The following UBE2U variants were observed in gnomAD, a reference collection of about 807,000 sequenced individuals.
The protein encoded by UBE2U is ubiquitin conjugating enzyme E2 U.
Under a neutral mutation model 41.2 loss-of-function variants are expected in UBE2U, and 39 were observed. The ratio of observed to expected loss-of-function variants is 0.95; its 90% confidence interval spans 0.73 to 1.24. The LOEUF (loss-of-function observed/expected upper bound fraction) is 1.24. UBE2U is among the 50% of genes most tolerant of loss of function. The probability of loss-of-function intolerance (pLI) is 0.00; values close to 1 mark genes in which losing one functional copy is unlikely to be tolerated. For missense variants in UBE2U, 336 were observed against 363.1 expected (o/e 0.93, Z 0.61); for synonymous variants, 107 against 117.8 (o/e 0.91, Z 0.60).
intron 5 of UBE2U, among the ~76,000 whole-genome samples, chr1:64,215,891 G>A (rs1416578825): frequency 6.6e-6 from 1 of 152,176 alleles, no homozygotes; most frequent in Non-Finnish European, 1.5e-5. Flanking sequence ...GTTTCCCACA[G>A]CTGAGAGCTG....
At chr1:64,266,157 G>A (rs1206243264) in intron 9 of UBE2U, among the ~76,000 whole-genome samples, 1 of 152,164 alleles carries the variant, frequency 6.6e-6, no homozygotes, top group African/African-American at 2.4e-5. Context: ...CCCATGCTGT[G>A]TAGAAATATA....
intron 7 of UBE2U, among the ~76,000 whole-genome samples, chr1:64,240,195 A>G: frequency 6.6e-6 from 1 of 152,214 alleles, no homozygotes; most frequent in East Asian, 1.9e-4. Flanking sequence ...CAAGGGAGGT[A>G]GTAAGCCCAT....
chr1:64,254,228 C>A (rs931491438), intron 8 of UBE2U, among the ~76,000 whole-genome samples: 1 of 152,070 alleles, frequency 6.6e-6, no homozygotes, highest in Admixed American at 6.6e-5. Flanking sequence ...AATATATATC[C>A]ACCTAATACA....
At chr1:64,234,549 C>T (rs1033270485) in intron 7 of UBE2U, among the ~76,000 whole-genome samples, 3 of 152,102 alleles carry the variant, frequency 2.0e-5, no homozygotes, top group Non-Finnish European at 4.4e-5. Context: ...AATAAATATC[C>T]TTAAAAGGTA....
intron 4 of UBE2U, among the ~76,000 whole-genome samples, chr1:64,214,199 G>A (rs1385169637): frequency 1.3e-5 from 2 of 152,164 alleles, no homozygotes; most frequent in Non-Finnish European, 2.9e-5. Context: ...TGATGGAAAT[G>A]TCCAATATAT....
At chr1:64,223,676 G>A (rs1012020941) in intron 6 of UBE2U, among the ~76,000 whole-genome samples, 2 of 152,152 alleles carry the variant, frequency 1.3e-5, no homozygotes, top group African/African-American at 2.4e-5. Context: ...TATGACAGAC[G>A]TAAGATCAAG....
intron 6 of UBE2U, among the ~76,000 whole-genome samples, chr1:64,227,079 A>G (rs1652923219): frequency 6.6e-6 from 1 of 152,230 alleles, no homozygotes; most frequent in Non-Finnish European, 1.5e-5. Context: ...TTTAACACCC[A>G]TTCATGATAA....
intron 1 of UBE2U, 28 bp downstream of exon 1, chr1:64,204,144 GT>G (rs1164595724): frequency 6.3e-7 from 1 of 1,594,356 alleles, no homozygotes; most frequent in Non-Finnish European, 8.6e-7. Flanking sequence ...GGAGAGATGT[GT>G]TTCATTGTGC....
chr1:64,226,607 G>A (rs1652883153), intron 6 of UBE2U, among the ~76,000 whole-genome samples: 1 of 152,088 alleles, frequency 6.6e-6, no homozygotes. Context: ...CAAGGTGGAA[G>A]GATTGCTTGA....
intron 5 of UBE2U, among the ~76,000 whole-genome samples, chr1:64,216,453 G>A (rs929125044): frequency 3.9e-5 from 6 of 152,186 alleles, no homozygotes; most frequent in African/African-American, 1.2e-4. Context: ...TCAAATATTC[G>A]AAGGGATTTC....
chr1:64,244,222 G>T, intron 8 of UBE2U: 3 of 1,562,052 alleles, frequency 1.9e-6, no homozygotes, highest in Non-Finnish European at 1.7e-6. Flanking sequence ...CTCTGAACTT[G>T]TTTTTTTATC....
Position 64,206,941 on chromosome 1 carries a change from A to T in UBE2U, c.241+85A>T, listed in dbSNP as rs537794839. The T allele has an allele frequency of 2.3e-5, 19 of 842,398 alleles. No homozygotes were observed. The African/African-American group carries it at 2.8e-4, about 13-fold the overall frequency. 52.2% of individuals were successfully genotyped at this position (842,398 alleles called of 1,614,324 possible). ...ATAATAATCATGTTTCTTTTTAAGA[A>T]CTTTATTATGATTCTAAAAGTAAGA... On this transcript the variant is annotated intron_variant, in intron 3 of 9. Transcript: ENST00000371077.
intron 6 of UBE2U, among the ~76,000 whole-genome samples, chr1:64,225,270 G>A (rs191544647): frequency 2.5e-4 from 38 of 152,284 alleles, no homozygotes; most frequent in Non-Finnish European, 5.3e-4. Context: ...AATTGGGAGA[G>A]TAATGTGAAG....
intron 6 of UBE2U, among the ~76,000 whole-genome samples, chr1:64,225,222 A>G (rs1343671861): frequency 2.0e-5 from 3 of 152,232 alleles, no homozygotes; most frequent in Admixed American, 6.5e-5. Flanking sequence ...ATCTTGAAAA[A>G]TCAAGATTTG....
intron 6 of UBE2U, among the ~76,000 whole-genome samples, chr1:64,231,679 A>G (rs1240834482): frequency 6.6e-6 from 1 of 152,196 alleles, no homozygotes; most frequent in Non-Finnish European, 1.5e-5. Flanking sequence ...TCAAATACTT[A>G]ATTTAAGGTA....
chr1:64,249,419 C>A (rs929868098), intron 8 of UBE2U, among the ~76,000 whole-genome samples: 3 of 139,898 alleles, frequency 2.1e-5, no homozygotes, highest in African/African-American at 7.8e-5. Context: ...TACAAATAAG[C>A]AGAAAAATAT....
At chr1:64,214,549 G>A (rs899262339) in intron 4 of UBE2U, among the ~76,000 whole-genome samples, 12 of 152,126 alleles carry the variant, frequency 7.9e-5, no homozygotes, top group Non-Finnish European at 1.8e-4. Context: ...CAATGTAAAT[G>A]TATATGCTAG....
At chr1:64,215,395 G>A (rs1464102073) in intron 5 of UBE2U, 1 of 154,082 alleles carries the variant, frequency 6.5e-6, no homozygotes, top group Non-Finnish European at 1.4e-5. Flanking sequence ...CTCTCCTACT[G>A]TAACTCTTTG....
intron 8 of UBE2U, among the ~76,000 whole-genome samples, chr1:64,250,143 T>G (rs1427024283): frequency 6.6e-6 from 1 of 152,162 alleles, no homozygotes; most frequent in Non-Finnish European, 1.5e-5. Context: ...TGAAAGAAAT[T>G]ATTAAACATA....
Sources: gnomAD v4.1 joint callset for allele counts (sites outside exome capture counted in the v4.1 genomes callset) on GRCh38, gnomAD v4.1.1 for gene constraint, MANE v1.5 for transcripts, NCBI Gene and HGNC (gene_info 2026-07-23, HGNC 2026-07-21) for gene names.